MARCHF10: variants seen among roughly 807,000 people sequenced by gnomAD.
MARCHF10 encodes the protein probable E3 ubiquitin-protein ligase MARCHF10.
A neutral mutation model predicts 76.2 loss-of-function variants in MARCHF10; 64 were observed. The ratio of observed to expected loss-of-function variants is 0.84; its 90% CI spans 0.69 to 1.03. The LOEUF is 1.03. MARCHF10 is among the 50% of genes least tolerant of loss of function. The pLI is 0.00. For synonymous variants in MARCHF10, 340 were observed against 357.5 expected (o/e 0.95, Z 0.55); for missense variants, 875 against 958.0 (o/e 0.91, Z 1.14).
intron 5 of MARCHF10, 120 bp from the exon 6 acceptor site, chr17:62,737,452 G>A: frequency 1.1e-6 from 1 of 918,738 alleles, no homozygotes; most frequent in Non-Finnish European, 1.7e-6. Context: ...GAAGAAAACA[G>A]ACACGGTCAA....
rs2092367316 is a variant in MARCHF10, at chr17:62,767,814, C to G, written c.211-7808G>C. Reference sequence around the variant, plus strand: ...GAGACTACTACCTTTCTAGCAAAATCCCTTCTAAATCGCTAAGAGTTGAAG... The same window carrying G: ...GAGACTACTACCTTTCTAGCAAAATGCCTTCTAAATCGCTAAGAGTTGAAG... On this transcript the variant is annotated intron_variant, in intron 3 of 10. Transcript: ENST00000311269. Among the ~76,000 whole-genome samples, 4 of 152,112 alleles carry G rather than the reference C, an allele frequency of 2.6e-5. No individual in the cohort carries two copies. In the South Asian group the frequency reaches 8.3e-4, roughly 32 times the overall value.
rs747760248 is a variant in MARCHF10 at position 62,735,913 on chromosome 17, A to G, written c.1937+18T>C. The stretch of plus-strand genomic sequence containing the variant: ...CTTGGGAAAGTGGAAAAAATATATA[A>G]TTATGAAAAGTCCTCACCTTTCTTG... On this transcript the variant is annotated intron_variant, in intron 6 of 10. Coordinates refer to ENST00000311269, the MANE Select transcript of MARCHF10 (RefSeq NM_152598.4). 2.5e-5 allele frequency: 40 copies of G among 1,579,684 alleles called. No homozygotes were observed. Among genetic ancestry groups the G allele is most frequent in the Non-Finnish European group, 3.2e-5 (38 of 1,171,552 alleles).
At chr17:62,715,492 T>C (rs2090146765) in intron 8 of MARCHF10, among the ~76,000 whole-genome samples, 1 of 152,236 alleles carries the variant, frequency 6.6e-6, no homozygotes, top group Non-Finnish European at 1.5e-5. Context: ...GCTCGCCGCA[T>C]GCTGCTGTCC....
At chr17:62,777,959 C>T (rs1360083355) in intron 3 of MARCHF10, among the ~76,000 whole-genome samples, 2 of 152,154 alleles carry the variant, frequency 1.3e-5, no homozygotes, top group African/African-American at 4.8e-5. Context: ...CTGGGGCTCA[C>T]CTGCCCTGCA....
At chr17:62,759,252 TGAA>T (rs2092128953) in intron 4 of MARCHF10, among the ~76,000 whole-genome samples, 1 of 152,022 alleles carries the variant, frequency 6.6e-6, no homozygotes, top group African/African-American at 2.4e-5. Context: ...CCAAGAAGGG[TGAA>T]GAAGATGAAA....
intron 8 of MARCHF10, chr17:62,714,283 G>A (rs1033027404): frequency 2.3e-5 from 14 of 603,892 alleles, no homozygotes; most frequent in Admixed American, 1.9e-4. Flanking sequence ...CAGGGCCACC[G>A]GACACTGTGA....
At position 62,724,865 on chromosome 17, in the gene MARCHF10, C is replaced by T. The variant is rs189935120; in HGVS notation, c.2104+73G>A. 48 of 1,546,552 alleles carry T rather than the reference C, an allele frequency of 3.1e-5. 1 individual carries two copies. Among genetic ancestry groups the T allele is most frequent in the Admixed American group, 9.3e-5 (5 of 53,730 alleles). On this transcript the variant is annotated intron_variant, in intron 7 of 10. Transcript: ENST00000311269. ...GGAGAGTGAGCTGATGACAAGGCTC[C>T]GGGGCCCACACCGTGGTGCCTCATG... is the stretch of plus-strand genomic sequence containing the variant.
chr17:62,705,621 C>G (rs1448147387), intron 9 of MARCHF10, 40 bp from the exon 10 acceptor site: 2 of 1,612,148 alleles, frequency 1.2e-6, no homozygotes, highest in South Asian at 2.2e-5. Flanking sequence ...TTGTTTTTTC[C>G]AATACGATTG....
intron 8 of MARCHF10, among the ~76,000 whole-genome samples, chr17:62,720,870 T>A (rs2090449523): frequency 6.9e-6 from 1 of 144,736 alleles, no homozygotes; most frequent in African/African-American, 2.6e-5. Flanking sequence ...ATTTTTTTTT[T>A]TTTTTTTTTT....
chr17:62,775,460 T>C (rs768961626), intron 3 of MARCHF10, among the ~76,000 whole-genome samples: 2 of 151,016 alleles, frequency 1.3e-5, no homozygotes, highest in Non-Finnish European at 2.9e-5. Context: ...AGTTTTGAAC[T>C]ACAGACATTT....
At chr17:62,801,319 AATTTTTTGT>A (rs1379653522) in intron 2 of MARCHF10, among the ~76,000 whole-genome samples, 3 of 151,878 alleles carry the variant, frequency 2.0e-5, no homozygotes, top group African/African-American at 7.3e-5. Context: ...ACGCCTGGCT[AATTTTTTGT>A]ATTTTTTGTA....
intron 4 of MARCHF10, among the ~76,000 whole-genome samples, chr17:62,744,848 T>C (rs1014563683): frequency 1.3e-5 from 2 of 151,242 alleles, no homozygotes; most frequent in Non-Finnish European, 2.9e-5. Context: ...ACCCCATCTC[T>C]ACAAAAATAC....
At chr17:62,794,568 C>G (rs970921359) in intron 2 of MARCHF10, among the ~76,000 whole-genome samples, 2 of 152,206 alleles carry the variant, frequency 1.3e-5, no homozygotes, top group African/African-American at 4.8e-5. Context: ...GAAGCCGCTT[C>G]TCTTCGACAT....
At position 62,801,639 on chromosome 17, in the gene MARCHF10, C is replaced by A. The variant is rs2093075329; in HGVS notation, c.90+7G>T. 6.2e-7 allele frequency: 1 copy of A among 1,612,180 alleles called. No homozygotes were observed. The highest frequency in any genetic ancestry group is 8.5e-7 in the Non-Finnish European group (1 of 1,178,408). ...GGCAGAAGACCATTCTTGCTTTCTG[C>A]AATTACCTGATACTCAGAGTCCACC... On this transcript the variant is annotated splice_region_variant and intron_variant, in intron 2 of 10. Coordinates refer to ENST00000311269, the MANE Select transcript of MARCHF10 (RefSeq NM_152598.4).
chr17:62,745,072 AT>A (rs1455660827), intron 4 of MARCHF10, among the ~76,000 whole-genome samples: 1 of 149,350 alleles, frequency 6.7e-6, no homozygotes, highest in Non-Finnish European at 1.5e-5. Context: ...GAAGGTAGGG[AT>A]CTTTCCTTTT....
At chr17:62,772,512 G>A (rs922616921) in intron 3 of MARCHF10, among the ~76,000 whole-genome samples, 2 of 152,160 alleles carry the variant, frequency 1.3e-5, no homozygotes, top group African/African-American at 4.8e-5. Flanking sequence ...GGGCCTGTTG[G>A]GCTTGAGGTG....
At chr17:62,788,285 C>T (rs1032309499) in intron 3 of MARCHF10, among the ~76,000 whole-genome samples, 195 bp downstream of exon 3, 4 of 152,218 alleles carry the variant, frequency 2.6e-5, no homozygotes, top group African/African-American at 9.6e-5. Flanking sequence ...CTGGGAGCCA[C>T]AGGGGTGGTG....
At chr17:62,726,204 A>G (rs2090749217) in intron 6 of MARCHF10, 1 of 152,238 alleles carries the variant, frequency 6.6e-6, no homozygotes, top group Admixed American at 6.5e-5. Flanking sequence ...TAGCTGGTCG[A>G]TGTTCATGTT....
At chr17:62,768,416 A>G (rs2147997378) in intron 3 of MARCHF10, among the ~76,000 whole-genome samples, 1 of 152,328 alleles carries the variant, frequency 6.6e-6, no homozygotes, top group South Asian at 2.1e-4. Context: ...GCTACTTGGG[A>G]GGCTGAGGCA....
Sources: gnomAD v4.1 joint callset for allele counts (sites outside exome capture counted in the v4.1 genomes callset) on GRCh38, gnomAD v4.1.1 for gene constraint, MANE v1.5 for transcripts, NCBI Gene and HGNC (gene_info 2026-07-23, HGNC 2026-07-21) for gene names.